Variants in SIAH3 observed in about 807,000 individuals in gnomAD.
SIAH3 encodes the protein siah E3 ubiquitin protein ligase family member 3.
Under a neutral mutation model 12.6 loss-of-function variants are expected in SIAH3, and 9 were observed. The observed-to-expected ratio is 0.72, with a 90% CI of 0.43 to 1.25. The LOEUF (loss-of-function observed/expected upper bound fraction) is 1.25, where lower values mean the gene tolerates loss of function less well. Among genes scored for constraint, SIAH3 ranks in the 50% most tolerant of loss-of-function variants. The probability of loss-of-function intolerance (pLI) is 0.00; values close to 1 mark genes in which losing one functional copy is unlikely to be tolerated. For missense variants in SIAH3, 390 were observed against 365.4 expected (o/e 1.07, Z -0.55); for synonymous variants, 154 against 151.1 (o/e 1.02, Z -0.14).
chr13:45,835,947 G>C (rs1285116630), intron 1 of SIAH3, among the ~76,000 whole-genome samples: 1 of 152,166 alleles, frequency 6.6e-6, no homozygotes, highest in African/African-American at 2.4e-5. Context: ...TTCTTGCCTT[G>C]TTCTTGCAGT....
In SIAH3 at chr13:45,779,106, T is replaced by C. The variant is rs919308427; in HGVS notation, c.*4277A>G. ...AAGCAATCACCATGACGTCACTAAA[T>C]GTGGAGCTGGAAGATGCGGTGCAGC... On this transcript the variant is annotated 3_prime_UTR_variant, in exon 2 of 2. Coordinates refer to ENST00000400405, the MANE Select transcript of SIAH3 (RefSeq NM_198849.3). The C allele has an allele frequency of 6.6e-6, 1 of 152,332 alleles. No individual in the cohort carries two copies. Among genetic ancestry groups the C allele is most frequent in the African/African-American group, 2.4e-5 (1 of 41,574 alleles). The allele number at this position is 152,332 out of a possible 1,614,324, so 9.4% of individuals were successfully genotyped here. A position where few individuals can be genotyped will look rare whatever the true frequency, so the allele number is the denominator to read the frequency against.
chr13:45,848,139 A>C (rs1222395877), intron 1 of SIAH3, among the ~76,000 whole-genome samples: 4 of 152,198 alleles, frequency 2.6e-5, no homozygotes, highest in Non-Finnish European at 5.9e-5. Context: ...GCCAGCCTGA[A>C]GTCTGCTCGT....
chr13:45,806,594 G>A (rs1375729912), intron 1 of SIAH3, among the ~76,000 whole-genome samples: 4 of 152,116 alleles, frequency 2.6e-5, no homozygotes, highest in Middle Eastern at 3.2e-3. Context: ...GAAGACAATG[G>A]TTGAAAAAGT....
At chr13:45,844,498 C>T (rs145681491) in intron 1 of SIAH3, among the ~76,000 whole-genome samples, 1 of 152,332 alleles carries the variant, frequency 6.6e-6, no homozygotes, top group East Asian at 1.9e-4. Context: ...CCATTGGCTT[C>T]CCTGGTTCTA....
At chr13:45,797,232 T>C (rs1033872367) in intron 1 of SIAH3, among the ~76,000 whole-genome samples, 5 of 151,844 alleles carry the variant, frequency 3.3e-5, no homozygotes, top group African/African-American at 1.2e-4. Context: ...TGGAAGGTGC[T>C]CACTTTCTAC....
At chr13:45,845,979 C>T (rs1340828990) in intron 1 of SIAH3, among the ~76,000 whole-genome samples, 2 of 151,624 alleles carry the variant, frequency 1.3e-5, no homozygotes, top group South Asian at 2.1e-4. Context: ...TGCAAGTTTT[C>T]GCTCCCACAC....
intron 1 of SIAH3, among the ~76,000 whole-genome samples, chr13:45,819,090 T>G (rs1950645612): frequency 6.6e-6 from 1 of 152,088 alleles, no homozygotes. Context: ...GCAGTGTGCT[T>G]GTGATGGCTC....
chr13:45,835,543 C>T (rs1025737030), intron 1 of SIAH3, among the ~76,000 whole-genome samples: 28 of 152,156 alleles, frequency 1.8e-4, no homozygotes, highest in African/African-American at 4.3e-4. Context: ...AGGAGGCAGG[C>T]GGTTATTATT....
rs541881236 is a variant in SIAH3 at position 45,818,979 on chromosome 13, C to T, written c.135+32516G>A. 5.3e-5 allele frequency among the ~76,000 whole-genome samples: 8 copies of T among 152,264 alleles called. No individual in the cohort carries two copies. In the East Asian group the frequency reaches 1.5e-3, roughly 29 times the overall value. On this transcript the variant is annotated intron_variant, in intron 1 of 1. Transcript: ENST00000400405. ...GAGATGAATAAAAGGCAGTCCTTGT[C>T]CCTTAGGTGCTCACATTCTAATGAA...
chr13:45,800,036 A>T (rs9590929), intron 1 of SIAH3, among the ~76,000 whole-genome samples: 45,480 of 152,046 alleles, frequency 0.3, 7,701 homozygotes, highest in Non-Finnish European at 0.39. Context: ...TTTAAACTTA[A>T]TTTTTTCTGA....
At chr13:45,800,648 T>C (rs1260708294) in intron 1 of SIAH3, among the ~76,000 whole-genome samples, 13 of 152,210 alleles carry the variant, frequency 8.5e-5, no homozygotes, top group African/African-American at 2.9e-4. Flanking sequence ...TTCCAATCCC[T>C]TCCTTTTCTG....
At chr13:45,844,672 C>T (rs1390964494) in intron 1 of SIAH3, among the ~76,000 whole-genome samples, 1 of 152,154 alleles carries the variant, frequency 6.6e-6, no homozygotes, top group Non-Finnish European at 1.5e-5. Flanking sequence ...TTGGTTCTAG[C>T]TCTCTGGAGA....
chr13:45,847,411 T>C (rs1421337861), intron 1 of SIAH3, among the ~76,000 whole-genome samples: 1 of 152,202 alleles, frequency 6.6e-6, no homozygotes, highest in East Asian at 1.9e-4. Flanking sequence ...CTCACATCTC[T>C]CCTTTCCTGG....
Position 45,808,277 on chromosome 13 carries a change from A to G in SIAH3, c.136-24220T>C, listed in dbSNP as rs1047384999. Among the ~76,000 whole-genome samples the G allele has an allele frequency of 2.1e-5, 3 of 146,304 alleles. No homozygotes were observed. The East Asian group carries it at 5.8e-4, about 28-fold the overall frequency. On this transcript the variant is annotated intron_variant, in intron 1 of 1. Transcript: ENST00000400405. ...ATATAGGTGTTACTTTGTGTTAAAC[A>G]GCACAAAAAATTACAGAAATAGTCT...
chr13:45,829,771 T>TC (rs199670525), intron 1 of SIAH3, among the ~76,000 whole-genome samples: 2,686 of 152,262 alleles, frequency 0.018, 46 homozygotes, highest in African/African-American at 0.033. Context: ...GTATTTTTTT[T>TC]CCCTCTGAGA....
At chr13:45,803,666 T>G (rs1237543567) in intron 1 of SIAH3, among the ~76,000 whole-genome samples, 2 of 152,070 alleles carry the variant, frequency 1.3e-5, no homozygotes, top group Non-Finnish European at 2.9e-5. Flanking sequence ...TCCTGGAAGG[T>G]CAAGGTAGTT....
intron 1 of SIAH3, among the ~76,000 whole-genome samples, chr13:45,815,974 A>G (rs1950633072): frequency 6.6e-6 from 1 of 152,234 alleles, no homozygotes; most frequent in Non-Finnish European, 1.5e-5. Flanking sequence ...TGCCGTGCCT[A>G]TCTCATTTAA....
At chr13:45,820,111 ACTT>A (rs1950650235) in intron 1 of SIAH3, among the ~76,000 whole-genome samples, 1 of 152,200 alleles carries the variant, frequency 6.6e-6, no homozygotes, top group African/African-American at 2.4e-5. Context: ...AATCCGCACG[ACTT>A]ATGTGTCTCT....
At chr13:45,824,382 G>T (rs1002057263) in intron 1 of SIAH3, among the ~76,000 whole-genome samples, 4 of 152,216 alleles carry the variant, frequency 2.6e-5, no homozygotes, top group African/African-American at 9.6e-5. Flanking sequence ...CCCCCTTGCT[G>T]CTGTCGATAA....
Sources: allele counts gnomAD v4.1 joint callset (sites outside exome capture counted in the v4.1 genomes callset), GRCh38; gene constraint gnomAD v4.1.1; transcripts MANE v1.5; gene names NCBI Gene and HGNC (gene_info 2026-07-23, HGNC 2026-07-21).